Variants in CECR2 observed in about 807,000 individuals in gnomAD.
CECR2 encodes CECR2 histone acetyl-lysine reader.
A neutral mutation model predicts 154.5 loss-of-function variants in CECR2; 30 were observed. That is an observed-to-expected ratio of 0.19 (90% confidence interval 0.15 to 0.26). The LOEUF is 0.26. CECR2 is among the 10% of genes least tolerant of loss of function. The pLI, the probability that CECR2 is intolerant of heterozygous loss-of-function variation, is 1.00. For missense variants in CECR2, 1,743 were observed against 1,829.3 expected (o/e 0.95, Z 0.86); for synonymous variants, 725 against 683.7 (o/e 1.06, Z -0.94).
At chr22:17,412,027 A>G (rs1435365549) in intron 1 of CECR2, among the ~76,000 whole-genome samples, 2 of 152,198 alleles carry the variant, frequency 1.3e-5, no homozygotes, top group Non-Finnish European at 2.9e-5. Context: ...GTGTAAGTGT[A>G]TACATGACTC....
chr22:17,481,371 CATTT>C (rs2055315389), intron 2 of CECR2, among the ~76,000 whole-genome samples: 1 of 146,820 alleles, frequency 6.8e-6, no homozygotes, highest in Non-Finnish European at 1.5e-5. Context: ...AAAGTAACTT[CATTT>C]AGTTGTGCAT....
rs779400927 is a variant in CECR2, at chr22:17,541,903, C to T, written c.1949C>T (p.Ser650Phe). 1.9e-6 allele frequency: 3 copies of T among 1,613,958 alleles called. No individual in the cohort carries two copies. The highest frequency in any genetic ancestry group is 2.2e-5 in the South Asian group (2 of 91,070). Residue 650 changes from serine to phenylalanine, a missense_variant, in exon 15 of 19, where the codon TCC becomes TTC. Around this residue, in one of 4 missense-constraint regions of CECR2, gnomAD observed 1,250 missense variants for 1,192.1 expected, o/e 1.05. Coordinates refer to ENST00000262608, the MANE Select transcript of CECR2 (RefSeq NM_001290047.2). ...RGSDPATLYG[S>F]SGVPEPHPGE... ...TCAGATCCTGCCACCTTGTATGGCT[C>T]CTCTGGAGTCCCGGAGCCACACCCC...
intron 7 of CECR2, among the ~76,000 whole-genome samples, chr22:17,505,542 T>C (rs988265891): frequency 9.3e-6 from 1 of 107,278 alleles, no homozygotes; most frequent in Non-Finnish European, 2.2e-5. Flanking sequence ...TCCTTTTTTT[T>C]TTTTTTTTTT....
Position 17,443,299 on chromosome 22 carries a change from G to A in CECR2, c.127-34289G>A, listed in dbSNP as rs1358658867. Among the ~76,000 whole-genome samples the A allele has an allele frequency of 2.0e-5, 3 of 152,260 alleles. No homozygotes were observed. The East Asian group carries it at 5.8e-4, about 29-fold the overall frequency. The stretch of plus-strand genomic sequence containing the variant: ...TTAACAGTCAATAATGTTGCTCTGG[G>A]CGATTTCTCTATTAAAATTCTGTTT... On this transcript the variant is annotated intron_variant, in intron 1 of 18. Transcript: ENST00000262608.
At position 17,378,882 on chromosome 22, in the gene CECR2, A is replaced by G. The variant is rs1403763951; in HGVS notation, c.126+8973A>G. On this transcript the variant is annotated intron_variant, in intron 1 of 18. Coordinates refer to ENST00000262608, the MANE Select transcript of CECR2 (RefSeq NM_001290047.2). ...TTGTTTATGGAAATTTAAGGAAGTT[A>G]AAGTTGCTCCCAGATGTGAATGTCA... 2.6e-5 allele frequency among the ~76,000 whole-genome samples: 4 copies of G among 152,218 alleles called. 1 individual carries two copies. Among genetic ancestry groups the G allele is most frequent in the Admixed American group, 2.0e-4 (3 of 15,280 alleles).
At chr22:17,469,025 T>G (rs1344382843) in intron 1 of CECR2, among the ~76,000 whole-genome samples, 2 of 152,122 alleles carry the variant, frequency 1.3e-5, no homozygotes, top group African/African-American at 4.8e-5. Context: ...CAGATGGCAT[T>G]AATCCATTCA....
chr22:17,429,726 G>A (rs1387322250), intron 1 of CECR2, among the ~76,000 whole-genome samples: 1 of 152,044 alleles, frequency 6.6e-6, no homozygotes, highest in Non-Finnish European at 1.5e-5. Flanking sequence ...ATGGTGGGAG[G>A]GACAGAAGGA....
chr22:17,414,219 GC>G (rs1569066478), intron 1 of CECR2, among the ~76,000 whole-genome samples: 4 of 148,798 alleles, frequency 2.7e-5, no homozygotes, highest in Admixed American at 2.7e-4. Context: ...TGATCCGCCC[GC>G]CTTGGCCTCC....
chr22:17,382,910 C>A (rs2146479445), intron 1 of CECR2, among the ~76,000 whole-genome samples: 1 of 150,550 alleles, frequency 6.6e-6, no homozygotes, highest in South Asian at 2.1e-4. Context: ...AAAACAAACA[C>A]AACAAAACAA....
intron 1 of CECR2, among the ~76,000 whole-genome samples, chr22:17,395,317 C>T (rs1194650217): frequency 2.0e-5 from 3 of 152,060 alleles, no homozygotes; most frequent in Admixed American, 6.6e-5. Flanking sequence ...TGTGAGCCTC[C>T]GCACCCGGCT....
At position 17,549,125 on chromosome 22, in the gene CECR2, G is replaced by A. The variant is rs2056664774; in HGVS notation, c.3838G>A (p.Glu1280Lys). ...TGACGGGCAGAATCCTGGTCCAGAG[G>A]AAGAGAAGCTGGATGAATCTATGGA... ...PNDGQNPGPEEEKLDESMERP... is the reference protein window; with the variant it reads ...PNDGQNPGPEKEKLDESMERP... Residue 1280 changes from glutamate (E) to lysine (K), a missense_variant, in exon 17 of 19, where the codon GAA (glutamate) becomes AAA (lysine). Around this residue, in one of 4 missense-constraint regions of CECR2, gnomAD observed 1,250 missense variants for 1,192.1 expected, o/e 1.05. Coordinates refer to ENST00000262608, the MANE Select transcript of CECR2 (RefSeq NM_001290047.2). 6.2e-7 allele frequency: 1 copy of A among 1,614,044 alleles called. No homozygotes were observed. Among genetic ancestry groups the A allele is most frequent in the East Asian group, 2.2e-5 (1 of 44,886 alleles).
At chr22:17,536,733 T>C (rs1381274978) in intron 9 of CECR2, among the ~76,000 whole-genome samples, 1 of 152,192 alleles carries the variant, frequency 6.6e-6, no homozygotes, top group Non-Finnish European at 1.5e-5. Context: ...CAGAATGGCC[T>C]CAAGTAATCC....
chr22:17,434,211 T>G (rs2054469225), intron 1 of CECR2, among the ~76,000 whole-genome samples: 1 of 152,186 alleles, frequency 6.6e-6, no homozygotes, highest in Non-Finnish European at 1.5e-5. Flanking sequence ...GGTGTGACTA[T>G]TGTTCTGTCA....
At chr22:17,483,457 AAAATT>A (rs1345767107) in intron 2 of CECR2, among the ~76,000 whole-genome samples, 1 of 152,160 alleles carries the variant, frequency 6.6e-6, no homozygotes. Context: ...CTCTACTAAA[AAAATT>A]AAAATAATTA....
chr22:17,373,963 G>A (rs2063089412), intron 1 of CECR2, among the ~76,000 whole-genome samples: 1 of 152,168 alleles, frequency 6.6e-6, no homozygotes, highest in Admixed American at 6.5e-5. Flanking sequence ...ACCTCTCCAA[G>A]ATTTACTACT....
chr22:17,361,253 C>T (rs1161584655), intron 1 of CECR2, among the ~76,000 whole-genome samples: 4 of 152,022 alleles, frequency 2.6e-5, no homozygotes, highest in Admixed American at 6.6e-5. Flanking sequence ...TTTGGGAGGC[C>T]GAGGTGGGCA....
chr22:17,513,061 A>T (rs971863063), intron 8 of CECR2, among the ~76,000 whole-genome samples: 1 of 152,182 alleles, frequency 6.6e-6, no homozygotes, highest in African/African-American at 2.4e-5. Context: ...TCCAAGGAGC[A>T]TTCTGGAGCT....
At chr22:17,379,508 G>A (rs1031990934) in intron 1 of CECR2, among the ~76,000 whole-genome samples, 15 of 151,816 alleles carry the variant, frequency 9.9e-5, no homozygotes, top group Admixed American at 6.6e-4. Flanking sequence ...GATCTCTTGA[G>A]CATTGAGCAG....
At position 17,549,103 on chromosome 22, in the gene CECR2, C is replaced by T. The variant is rs775646683; in HGVS notation, c.3816C>T (p.Asp1272=). Residue 1272 remains aspartate, a synonymous_variant, in exon 17 of 19, where the codon GAC becomes GAT. Coordinates refer to ENST00000262608, the MANE Select transcript of CECR2 (RefSeq NM_001290047.2). Reference sequence around the variant, plus strand: ...CAGTGGCTGCTAAAGTCCCAAATGACGGGCAGAATCCTGGTCCAGAGGAAG... The same window carrying T: ...CAGTGGCTGCTAAAGTCCCAAATGATGGGCAGAATCCTGGTCCAGAGGAAG... ...MDAVAAKVPN[D]GQNPGPEEEK... 1.4e-5 allele frequency: 22 copies of T among 1,613,880 alleles called. No homozygotes were observed. The highest frequency in any genetic ancestry group is 1.6e-4 in the Middle Eastern group (1 of 6,084).
Sources: allele counts gnomAD v4.1 joint callset (sites outside exome capture counted in the v4.1 genomes callset), GRCh38; gene constraint gnomAD v4.1.1; regional missense constraint gnomAD v4.1.1; transcripts MANE v1.5; gene names NCBI Gene and HGNC (gene_info 2026-07-23, HGNC 2026-07-21).